Variants in CDH12 observed in about 807,000 individuals in gnomAD.
CDH12 encodes the protein cadherin 12, also known as cadherin-12.
In CDH12, 41 loss-of-function variants were observed where a neutral mutation model predicts 74.1. The ratio of observed to expected loss-of-function variants is 0.55; its 90% CI spans 0.43 to 0.72. CDH12 has a LOEUF of 0.72. CDH12 is among the 30% of genes least tolerant of loss of function. The pLI, the probability that CDH12 is intolerant of heterozygous loss-of-function variation, is 0.00. For synonymous variants in CDH12, 399 were observed against 355.0 expected (o/e 1.12, Z -1.39); for missense variants, 945 against 977.2 (o/e 0.97, Z 0.44).
intron 1 of CDH12, among the ~76,000 whole-genome samples, chr5:22,520,650 T>C (rs1318677151): frequency 6.6e-6 from 1 of 152,146 alleles, no homozygotes; most frequent in East Asian, 1.9e-4. Context: ...GCTCAACACA[T>C]TAAGTCTGTA....
intron 4 of CDH12, among the ~76,000 whole-genome samples, chr5:22,125,416 C>T (rs1745793950): frequency 6.6e-6 from 1 of 152,158 alleles, no homozygotes; most frequent in African/African-American, 2.4e-5. Flanking sequence ...CAGCTTCATT[C>T]ATGTCCCTGC....
chr5:22,370,427 A>C (rs899759424), intron 3 of CDH12, among the ~76,000 whole-genome samples: 9 of 152,204 alleles, frequency 5.9e-5, no homozygotes, highest in African/African-American at 2.2e-4. Flanking sequence ...TCTGTCAATT[A>C]AATAAATTCG....
chr5:22,611,920 T>C (rs1580815420), intron 1 of CDH12, among the ~76,000 whole-genome samples: 1 of 152,132 alleles, frequency 6.6e-6, no homozygotes, highest in East Asian at 1.9e-4. Context: ...TTCTACCCTA[T>C]CCTCTAATTT....
At chr5:22,776,870 A>C (rs572566688) in intron 1 of CDH12, among the ~76,000 whole-genome samples, 1 of 152,338 alleles carries the variant, frequency 6.6e-6, no homozygotes, top group South Asian at 2.1e-4. Context: ...GCAAAGACAC[A>C]CCACCAATTA....
intron 3 of CDH12, among the ~76,000 whole-genome samples, chr5:22,289,634 T>C (rs568157917): frequency 1.3e-5 from 2 of 152,106 alleles, no homozygotes; most frequent in African/African-American, 2.4e-5. Context: ...CAGTACCTGG[T>C]TGTAGCACAA....
chr5:21,847,213 TGTC>T (rs765490357), intron 7 of CDH12, among the ~76,000 whole-genome samples: 1 of 152,150 alleles, frequency 6.6e-6, no homozygotes, highest in African/African-American at 2.4e-5. Flanking sequence ...CCTTGCACAC[TGTC>T]TTCCCCAGCC....
chr5:22,064,251 C>T lies in CDH12; in HGVS notation c.231+14195G>A, dbSNP rs77147906. Reference sequence around the variant, plus strand: ...TCCACAGGGCCCACTGCATGACTTGCGAATGCATGGATTGTGGTATCTCTG... The same window carrying T: ...TCCACAGGGCCCACTGCATGACTTGTGAATGCATGGATTGTGGTATCTCTG... On this transcript the variant is annotated intron_variant, in intron 5 of 14. Transcript: ENST00000382254. Among the ~76,000 whole-genome samples the T allele has an allele frequency of 5.9e-3, 899 of 152,198 alleles. 10 individuals are homozygous for T. Among genetic ancestry groups the T allele is most frequent in the African/African-American group, 0.021 (864 of 41,518 alleles).
At chr5:21,955,432 A>G (rs1041874141) in intron 6 of CDH12, among the ~76,000 whole-genome samples, 1 of 151,992 alleles carries the variant, frequency 6.6e-6, no homozygotes, top group Non-Finnish European at 1.5e-5. Flanking sequence ...ATAATTCCCA[A>G]TGAAAAAACT....
At chr5:22,058,527 G>A (rs987129249) in intron 5 of CDH12, among the ~76,000 whole-genome samples, 1 of 151,496 alleles carries the variant, frequency 6.6e-6, no homozygotes, top group African/African-American at 2.4e-5. Flanking sequence ...TGCTTTTAGA[G>A]GGATCTAGTG....
chr5:22,051,498 A>T (rs145052310), intron 5 of CDH12, among the ~76,000 whole-genome samples: 1 of 152,302 alleles, frequency 6.6e-6, no homozygotes, highest in Admixed American at 6.5e-5. Context: ...TGGATAAATC[A>T]ATATGGCTAA....
chr5:22,641,925 T>C (rs562345219), intron 1 of CDH12, among the ~76,000 whole-genome samples: 1 of 152,310 alleles, frequency 6.6e-6, no homozygotes, highest in African/African-American at 2.4e-5. Context: ...TAGTTGTTTA[T>C]ATAGCAATTT....
At chr5:22,786,763 A>G (rs1747646398) in intron 1 of CDH12, among the ~76,000 whole-genome samples, 1 of 151,284 alleles carries the variant, frequency 6.6e-6, no homozygotes, top group African/African-American at 2.4e-5. Context: ...TTATTGCCCA[A>G]GTAGGAGTGT....
intron 1 of CDH12, among the ~76,000 whole-genome samples, chr5:22,782,141 T>C (rs1404519146): frequency 6.6e-6 from 1 of 152,182 alleles, no homozygotes; most frequent in Admixed American, 6.5e-5. Flanking sequence ...GGACTTGGAC[T>C]TTTGGGTTAA....
At chr5:22,730,272 C>T (rs981301759) in intron 1 of CDH12, among the ~76,000 whole-genome samples, 1 of 151,758 alleles carries the variant, frequency 6.6e-6, no homozygotes, top group Admixed American at 6.6e-5. Context: ...ACTTTTATGA[C>T]ATTCTGGAGT....
chr5:22,242,669 T>C (rs1320401769), intron 3 of CDH12, among the ~76,000 whole-genome samples: 2 of 152,126 alleles, frequency 1.3e-5, no homozygotes, highest in African/African-American at 2.4e-5. Flanking sequence ...TAATAGAATG[T>C]CTTTTTAATT....
intron 2 of CDH12, among the ~76,000 whole-genome samples, chr5:22,486,888 T>A (rs1464912894): frequency 2.6e-5 from 4 of 152,122 alleles, no homozygotes; most frequent in Admixed American, 1.3e-4. Flanking sequence ...ATCTCCAACT[T>A]TCACATCTAG....
chr5:21,797,434 A>G (rs891496274), intron 10 of CDH12, among the ~76,000 whole-genome samples: 13 of 152,128 alleles, frequency 8.5e-5, no homozygotes, highest in African/African-American at 3.1e-4. Flanking sequence ...ATGATGCCTC[A>G]TACCCCATGT....
chr5:22,210,949 A>C (rs1385828558), intron 4 of CDH12, among the ~76,000 whole-genome samples: 1 of 152,232 alleles, frequency 6.6e-6, no homozygotes, highest in Non-Finnish European at 1.5e-5. Flanking sequence ...AAAGAGATAG[A>C]AGTCTCAGAA....
At chr5:22,846,859 A>C (rs934562728) in intron 1 of CDH12, among the ~76,000 whole-genome samples, 1 of 152,116 alleles carries the variant, frequency 6.6e-6, no homozygotes, top group Non-Finnish European at 1.5e-5. Context: ...TTCCCTCATC[A>C]CTGGTGTTAT....
Sources: gnomAD v4.1 joint callset for allele counts (sites outside exome capture counted in the v4.1 genomes callset) on GRCh38, gnomAD v4.1.1 for gene constraint, MANE v1.5 for transcripts, NCBI Gene and HGNC (gene_info 2026-07-23, HGNC 2026-07-21) for gene names.